Variants in PIP4K2A observed in about 807,000 individuals in gnomAD.
PIP4K2A encodes phosphatidylinositol-5-phosphate 4-kinase type 2 alpha.
PIP4K2A carries 14 observed loss-of-function variants against 42.9 expected under a neutral mutation model. The observed-to-expected ratio is 0.33, with a 90% CI of 0.22 to 0.51. The LOEUF (loss-of-function observed/expected upper bound fraction) is 0.51. Ranked by LOEUF, PIP4K2A falls within the 20% of genes least tolerant of loss-of-function variation. The pLI, the probability that PIP4K2A is intolerant of heterozygous loss-of-function variation, is 0.97. For missense variants in PIP4K2A, 434 were observed against 519.8 expected (o/e 0.83, Z 1.61); for synonymous variants, 192 against 192.2 (o/e 1.00, Z 0.01).
At chr10:22,594,875 T>C (rs1318360632) in intron 3 of PIP4K2A, among the ~76,000 whole-genome samples, 1 of 152,216 alleles carries the variant, frequency 6.6e-6, no homozygotes, top group Non-Finnish European at 1.5e-5. Flanking sequence ...CCCTGGGATA[T>C]AAAACCTTAA....
chr10:22,677,749 GTA>G (rs1839585912), intron 1 of PIP4K2A, among the ~76,000 whole-genome samples: 1 of 152,216 alleles, frequency 6.6e-6, no homozygotes, highest in Admixed American at 6.5e-5. Flanking sequence ...ATGGCAAGCA[GTA>G]ACACAGATTC....
At chr10:22,629,404 G>A (rs1477356334) in intron 1 of PIP4K2A, among the ~76,000 whole-genome samples, 1 of 152,180 alleles carries the variant, frequency 6.6e-6, no homozygotes, top group African/African-American at 2.4e-5. Context: ...GCAATTGGCA[G>A]AGGATGCTAG....
chr10:22,642,809 T>C (rs1838807966), intron 1 of PIP4K2A, among the ~76,000 whole-genome samples: 1 of 152,084 alleles, frequency 6.6e-6, no homozygotes, highest in South Asian at 2.1e-4. Flanking sequence ...AAATTGGTCT[T>C]GTTCATTCTA....
intron 1 of PIP4K2A, among the ~76,000 whole-genome samples, chr10:22,712,942 CTGTG>C (rs986494955): frequency 1.0e-4 from 14 of 138,396 alleles, no homozygotes; most frequent in South Asian, 4.3e-4. Flanking sequence ...GTGTGTGTGT[CTGTG>C]TGTGTGTTTT....
chr10:22,692,443 T>C (rs1033774600), intron 1 of PIP4K2A, among the ~76,000 whole-genome samples: 5 of 152,070 alleles, frequency 3.3e-5, no homozygotes, highest in Non-Finnish European at 7.4e-5. Context: ...GGAGTAGGGG[T>C]TGGGGATCTG....
intron 6 of PIP4K2A, among the ~76,000 whole-genome samples, chr10:22,559,801 G>GA (rs1249922948): frequency 6.6e-6 from 1 of 152,168 alleles, no homozygotes; most frequent in Non-Finnish European, 1.5e-5. Context: ...TTTGAAACAA[G>GA]AGATTCTCAC....
chr10:22,666,629 C>T (rs80222557), intron 1 of PIP4K2A, among the ~76,000 whole-genome samples: 105 of 152,314 alleles, frequency 6.9e-4, no homozygotes, highest in African/African-American at 2.5e-3. Context: ...TCATCAAATG[C>T]TTTCTTCAGC....
chr10:22,644,529 G>A (rs560405427), intron 1 of PIP4K2A, among the ~76,000 whole-genome samples: 5 of 152,160 alleles, frequency 3.3e-5, no homozygotes, highest in African/African-American at 9.6e-5. Flanking sequence ...GTCAGGCTTC[G>A]GTCCCCACCT....
chr10:22,543,699 C>T (rs189372773), intron 7 of PIP4K2A, among the ~76,000 whole-genome samples: 4 of 152,312 alleles, frequency 2.6e-5, no homozygotes, highest in Non-Finnish European at 5.9e-5. Context: ...TGCACCTGGC[C>T]GAGATCACCT....
chr10:22,632,122 C>T (rs1257873937), intron 1 of PIP4K2A, among the ~76,000 whole-genome samples: 4 of 152,064 alleles, frequency 2.6e-5, no homozygotes, highest in African/African-American at 4.8e-5. Context: ...TAGACAAAGA[C>T]AGGAAATAGT....
At chr10:22,539,874 A>T (rs1836046398) in intron 9 of PIP4K2A, 97 bp downstream of exon 9, 1 of 788,922 alleles carries the variant, frequency 1.3e-6, no homozygotes, top group East Asian at 2.4e-5. Context: ...TACAGGTCAC[A>T]CAGAGGAGCC....
At chr10:22,645,283 C>A (rs1045775525) in intron 1 of PIP4K2A, among the ~76,000 whole-genome samples, 6 of 152,134 alleles carry the variant, frequency 3.9e-5, no homozygotes, top group African/African-American at 1.4e-4. Context: ...CGATGGCTCA[C>A]GCCCATAATC....
At chr10:22,674,203 A>G (rs1839510285) in intron 1 of PIP4K2A, among the ~76,000 whole-genome samples, 1 of 152,182 alleles carries the variant, frequency 6.6e-6, no homozygotes, top group African/African-American at 2.4e-5. Flanking sequence ...ACCAGCAGAC[A>G]CTGTCTTGTG....
rs115158072 is a variant in PIP4K2A, at chr10:22,576,619, T to C, written c.493-3162A>G. ...GTTATTCAACCTCTTGGTCTGCATT[T>C]GGAAACTGGGAGGTAATAATAGTAC... On this transcript the variant is annotated intron_variant, in intron 4 of 9. Coordinates refer to ENST00000376573, the MANE Select transcript of PIP4K2A (RefSeq NM_005028.5). 4.2e-3 allele frequency among the ~76,000 whole-genome samples: 645 copies of C among 152,344 alleles called. 5 individuals are homozygous for C. The highest frequency in any genetic ancestry group is 0.015 in the African/African-American group (620 of 41,568).
chr10:22,653,375 G>A (rs572974321), intron 1 of PIP4K2A, among the ~76,000 whole-genome samples: 15 of 152,194 alleles, frequency 9.9e-5, no homozygotes, highest in African/African-American at 2.4e-4. Flanking sequence ...GCAGGATACC[G>A]TAAGACCCTG....
At position 22,541,874 on chromosome 10, in the gene PIP4K2A, G is replaced by C. The variant is rs1488359073; in HGVS notation, c.966C>G (p.Asn322Lys). 1.2e-6 allele frequency: 2 copies of C among 1,611,956 alleles called. No homozygotes were observed. The highest frequency in any genetic ancestry group is 1.7e-6 in the Non-Finnish European group (2 of 1,178,894). The part of the protein sequence containing the change: ...TPPDSPGNTL[N>K]SSPPLAPGEF... ...CCCCGGGAGCCAGGGGTGGTGAGCT[G>C]TTCAGTGTATTCCCGGGGCTATCTG... The change falls in exon 8 of 10, where the codon AAC becomes AAG. Residue 322 changes from asparagine (N) to lysine (K), a missense_variant. Physicochemically the swap from Asn to Lys is moderately conservative, Grantham distance 94 (BLOSUM62 0). This residue lies in a region of PIP4K2A where 395 missense variants were observed against 444.5 expected (regional missense o/e 0.89). Transcript: ENST00000376573.
intron 1 of PIP4K2A, among the ~76,000 whole-genome samples, chr10:22,689,015 T>C (rs1391759509): frequency 6.6e-6 from 1 of 152,240 alleles, no homozygotes; most frequent in Non-Finnish European, 1.5e-5. Context: ...TTCATTTGTC[T>C]GTCACATTAA....
intron 6 of PIP4K2A, among the ~76,000 whole-genome samples, chr10:22,561,869 T>C (rs961386764): frequency 6.6e-5 from 10 of 152,130 alleles, no homozygotes; most frequent in Non-Finnish European, 2.9e-5. Flanking sequence ...CCCAGCCCTC[T>C]AGAAAGATTG....
chr10:22,704,805 A>G (rs1299675222), intron 1 of PIP4K2A, among the ~76,000 whole-genome samples: 1 of 152,168 alleles, frequency 6.6e-6, no homozygotes, highest in Non-Finnish European at 1.5e-5. Flanking sequence ...AAGACACTGC[A>G]ATGGTGGGAA....
Sources: gnomAD v4.1 joint callset for allele counts (sites outside exome capture counted in the v4.1 genomes callset) on GRCh38, gnomAD v4.1.1 for gene constraint, gnomAD v4.1.1 regional missense constraint, MANE v1.5 for transcripts, NCBI Gene and HGNC (gene_info 2026-07-23, HGNC 2026-07-21) for gene names.